ITGB7: variants seen among roughly 807,000 people sequenced by gnomAD.
ITGB7 encodes integrin beta-7.
In ITGB7, 55 loss-of-function variants were observed where a neutral mutation model predicts 83.4. The ratio of observed to expected loss-of-function variants is 0.66; its 90% CI spans 0.53 to 0.83. The LOEUF is 0.83. ITGB7 is among the 40% of genes least tolerant of loss of function. The probability of loss-of-function intolerance (pLI) is 0.00; values close to 1 mark genes in which losing one functional copy is unlikely to be tolerated. For missense variants in ITGB7, 921 were observed against 1,046.7 expected, an observed-to-expected ratio of 0.88 and a Z score of 1.66; for synonymous variants, 454 against 423.6, an observed-to-expected ratio of 1.07 and a Z score of -0.88.
intron 12 of ITGB7, 56 bp downstream of exon 12, chr12:53,193,084 T>A: frequency 2.0e-6 from 3 of 1,496,410 alleles, no homozygotes; most frequent in Non-Finnish European, 1.8e-6. Flanking sequence ...TCCCAGAGCC[T>A]AAGTGCCTTG....
rs1319062596 is a variant in ITGB7 at position 53,197,832 on chromosome 12, C to T, written c.321G>A (p.Gln107=). The change falls in exon 4 of 16, where the codon CAG becomes CAA. Residue 107 remains glutamine (Q), a synonymous_variant. Coordinates refer to ENST00000267082, the MANE Select transcript of ITGB7 (RefSeq NM_000889.3). ...EEPRGQQEVL[Q]DQPLSQGARG... is the part of the protein sequence containing the mutation. The stretch of plus-strand genomic sequence containing the variant: ...GGGCGCCCTGGCTGAGCGGCTGGTC[C>T]TGCAGCACCTCCTGCTGGCCGCGGG... 1.3e-6 allele frequency: 2 copies of T among 1,534,090 alleles called. No homozygotes were observed. Among genetic ancestry groups the T allele is most frequent in the Non-Finnish European group, 1.7e-6 (2 of 1,145,736 alleles).
At chr12:53,200,155 C>A in intron 3 of ITGB7, 88 bp downstream of exon 3, 1 of 1,164,186 alleles carries the variant, frequency 8.6e-7, no homozygotes, top group Admixed American at 2.0e-5. Context: ...TGTGCCCACA[C>A]AATCACACAC....
rs1192284462 is a variant in ITGB7 at position 53,197,114 on chromosome 12, TTGA to T, written c.575-297_575-295del. On this transcript the variant is annotated intron_variant, in intron 5 of 15. Transcript: ENST00000267082. The stretch of plus-strand genomic sequence containing the variant: ...GCAGCATGAGGCAAAGGAAGGAAAT[TTGA>T]ATAGAGGAGAGTTGGCACAGAATGT... 30 of 540,758 alleles carry T rather than the reference TTGA, an allele frequency of 5.5e-5. No homozygotes were observed. The African/African-American group carries it at 5.7e-4, about 10-fold the overall frequency. The allele number at this position is 540,758 out of a possible 1,614,324, so 33.5% of individuals were successfully genotyped here.
chr12:53,195,549 G>C, intron 8 of ITGB7, 77 bp downstream of exon 8: 2 of 1,516,688 alleles, frequency 1.3e-6, no homozygotes, highest in Non-Finnish European at 1.8e-6. Flanking sequence ...GCATATGGGG[G>C]ACGGAGAATG....
chr12:53,206,440 C>T (rs1942444727), intron 1 of ITGB7, among the ~76,000 whole-genome samples: 1 of 152,170 alleles, frequency 6.6e-6, no homozygotes, highest in Non-Finnish European at 1.5e-5. Flanking sequence ...TTCTCCTTTC[C>T]TCCCTCCAAC....
intron 2 of ITGB7, 37 bp from the exon 3 acceptor site, chr12:53,200,483 A>C: frequency 1.3e-6 from 2 of 1,559,132 alleles, no homozygotes; most frequent in Non-Finnish European, 1.8e-6. Context: ...GTGGGTCCTC[A>C]GGGAGGACTC....
At chr12:53,193,390 G>A (rs372191939) in intron 11 of ITGB7, 27 bp from the exon 12 acceptor site, 67 of 1,501,268 alleles carry the variant, frequency 4.5e-5, no homozygotes, top group African/African-American at 5.6e-5. Context: ...AAGGAGAGAA[G>A]TAGGTCAGAG....
At chr12:53,198,132 G>GTT (rs1291540423) in intron 3 of ITGB7, among the ~76,000 whole-genome samples, 181 bp from the exon 4 acceptor site, 2 of 151,952 alleles carry the variant, frequency 1.3e-5, no homozygotes, top group African/African-American at 4.8e-5. Flanking sequence ...CTTTTTTGTT[G>GTT]TTTTGTTTTG....
rs755759595 is a variant in ITGB7 at position 53,191,568 on chromosome 12, A to G, written c.2385T>C (p.Ser795=). ...GTCCCTCCCTCCTTCAGAGAGTGGG[A>G]CTGTCTGCCTCTTGAAAGCGAGGAT... ...TINPRFQEAD[S]PTL The change falls in exon 16 of 16, where the codon AGT becomes AGC. Residue 795 remains serine, a synonymous_variant. Transcript: ENST00000267082. 8.1e-6 allele frequency: 13 copies of G among 1,611,850 alleles called. No homozygotes were observed. Among genetic ancestry groups the G allele is most frequent in the Admixed American group, 1.7e-5 (1 of 59,984 alleles).
rs1942066949 is a variant in ITGB7, at chr12:53,194,005, G to A, written c.1309-104C>T. The A allele has an allele frequency of 6.8e-6, 9 of 1,321,018 alleles. No individual in the cohort carries two copies. The South Asian group carries it at 1.1e-4, about 16-fold the overall frequency. The allele number at this position is 1,321,018 out of a possible 1,614,324, so 81.8% of individuals were successfully genotyped here. A position where few individuals can be genotyped will look rare whatever the true frequency, so the allele number is the denominator to read the frequency against. Reference sequence around the variant, plus strand: ...TCACCCCTTAGTAAATGAAGGGATGGGGTCATGTTAACACCCAACTCCTAG... The same window carrying A: ...TCACCCCTTAGTAAATGAAGGGATGAGGTCATGTTAACACCCAACTCCTAG... On this transcript the variant is annotated intron_variant, in intron 10 of 15. Coordinates refer to ENST00000267082, the MANE Select transcript of ITGB7 (RefSeq NM_000889.3).
At chr12:53,197,280 C>T (rs1229059356) in intron 5 of ITGB7, 2 of 642,894 alleles carry the variant, frequency 3.1e-6, no homozygotes, top group East Asian at 2.8e-5. Flanking sequence ...GGTCTCAGGC[C>T]TGTAAAACGG....
rs370079380 is a variant in ITGB7 at position 53,191,831 on chromosome 12, AAG to A, written c.2316+26_2316+27del. The A allele has an allele frequency of 3.6e-5, 58 of 1,613,258 alleles. 3 individuals carry two copies. In the African/African-American group the frequency reaches 4.3e-4, roughly 12 times the overall value. Reference sequence around the variant, plus strand: ...GTCTTGTGGTGGGGGAACAGCTAAAAAGGGGCCTAACCAGGAAGTCTCCTCAC... The same window carrying A: ...GTCTTGTGGTGGGGGAACAGCTAAAAGGGCCTAACCAGGAAGTCTCCTCAC... On this transcript the variant is annotated intron_variant, in intron 15 of 15. Transcript: ENST00000267082.
chr12:53,196,916 G>A (rs1482782253), intron 5 of ITGB7, 96 bp from the exon 6 acceptor site: 15 of 1,420,978 alleles, frequency 1.1e-5, no homozygotes, highest in African/African-American at 1.4e-5. Context: ...TGGGGAGGAC[G>A]GTGATGGGAG....
intron 1 of ITGB7, among the ~76,000 whole-genome samples, chr12:53,201,722 T>C (rs1478295863): frequency 6.6e-6 from 1 of 152,070 alleles, no homozygotes; most frequent in Non-Finnish European, 1.5e-5. Context: ...CAAAATAATC[T>C]TGTAAAAAAG....
At position 53,200,265 on chromosome 12, in the gene ITGB7, C is replaced by CT. The variant is rs1942293467; in HGVS notation, c.178dup (p.Ser60LysfsTer89). The stretch of plus-strand genomic sequence containing the variant: ...TACCAGTTGCTTGCACCATGCACAG[C>CT]TGGGGTGTGAGAGGATGCACTTCTG... On this transcript the variant is annotated frameshift_variant, in exon 3 of 16. Transcript: ENST00000267082. LOFTEE classifies it high-confidence loss of function. The CT allele has an allele frequency of 6.2e-7, 1 of 1,614,004 alleles. No individual in the cohort carries two copies. The highest frequency in any genetic ancestry group is 1.7e-5 in the Admixed American group (1 of 60,018).
At chr12:53,199,570 A>G (rs1004133628) in intron 3 of ITGB7, among the ~76,000 whole-genome samples, 4 of 117,506 alleles carry the variant, frequency 3.4e-5, no homozygotes, top group Non-Finnish European at 4.9e-5. Flanking sequence ...ATGTGATGGT[A>G]TTTGGAGATG....
chr12:53,206,301 A>G (rs1392120612), intron 1 of ITGB7, among the ~76,000 whole-genome samples: 1 of 152,126 alleles, frequency 6.6e-6, no homozygotes, highest in Non-Finnish European at 1.5e-5. Flanking sequence ...GTTCCTAACT[A>G]TAGAATGGCT....
In ITGB7 at chr12:53,193,792, A is replaced by G; in HGVS notation, c.1418T>C (p.Leu473Pro). Residue 473 changes from leucine to proline, a missense_variant, in exon 11 of 16, where the codon CTG becomes CCG. Physicochemically the swap from Leu to Pro is moderately conservative, Grantham distance 98. Coordinates refer to ENST00000267082, the MANE Select transcript of ITGB7 (RefSeq NM_000889.3). ...GGTGTCACTGCAATTACAGTCACAC[A>G]GCGTGTGCAACTCCACAATCAGCTC... ...SEELIVELHT[L>P]CDCNCSDTQP... 6.2e-7 allele frequency: 1 copy of G among 1,614,100 alleles called. No individual in the cohort carries two copies. The highest frequency in any genetic ancestry group is 1.1e-5 in the South Asian group (1 of 91,078).
chr12:53,191,869 T>C lies in ITGB7; in HGVS notation c.2306A>G (p.Asn769Ser), dbSNP rs201226177. 5.6e-6 allele frequency: 9 copies of C among 1,613,536 alleles called. No individual in the cohort carries two copies. The East Asian group carries it at 2.0e-4, about 36-fold the overall frequency. The change falls in exon 15 of 16, where the codon AAC (asparagine) becomes AGC (serine). Residue 769 changes from asparagine (N) to serine (S), a missense_variant. By Grantham distance (46) the Asn-to-Ser change is conservative. Transcript: ENST00000267082. ...AGGAAGTCTCCTCACCTGCTTCCAG[T>C]TGAGTTGTTGCTGCTCCTTCTCAAA... ...SRFEKEQQQL[N>S]WKQDSNPLYK...
Sources: gnomAD v4.1 joint callset for allele counts (sites outside exome capture counted in the v4.1 genomes callset) on GRCh38, gnomAD v4.1.1 for gene constraint, MANE v1.5 for transcripts, NCBI Gene and HGNC (gene_info 2026-07-23, HGNC 2026-07-21) for gene names.